Variants in EML2 observed in about 807,000 individuals in gnomAD.
EML2 encodes the protein echinoderm microtubule-associated protein-like 2.
EML2 carries 59 observed loss-of-function variants against 84.7 expected under a neutral mutation model. That is an observed-to-expected ratio of 0.70 (90% CI 0.56 to 0.86). The LOEUF (loss-of-function observed/expected upper bound fraction) is 0.86, where lower values mean the gene tolerates loss of function less well. EML2 is among the 40% of genes least tolerant of loss of function. The pLI, the probability that EML2 is intolerant of heterozygous loss-of-function variation, is 0.00. For missense variants in EML2, 818 were observed against 855.6 expected, an observed-to-expected ratio of 0.96 and a Z score of 0.55; for synonymous variants, 352 against 348.9, an observed-to-expected ratio of 1.01 and a Z score of -0.10.
intron 18 of EML2, among the ~76,000 whole-genome samples, chr19:45,612,787 C>T (rs1970629266): frequency 6.6e-6 from 1 of 152,184 alleles, no homozygotes; most frequent in Non-Finnish European, 1.5e-5. Context: ...GGAGGAGTCA[C>T]TGTACTAGTC....
intron 18 of EML2, among the ~76,000 whole-genome samples, chr19:45,612,184 C>T (rs1327320345): frequency 6.6e-6 from 1 of 152,154 alleles, no homozygotes; most frequent in African/African-American, 2.4e-5. Context: ...CCTGCCTCAG[C>T]CTCCTGTGTA....
In EML2 at chr19:45,609,553, AT is replaced by A; in HGVS notation, c.*109del. 1 of 734,944 alleles carries A rather than the reference AT, an allele frequency of 1.4e-6. No individual in the cohort carries two copies. The highest frequency in any genetic ancestry group is 1.8e-6 in the Non-Finnish European group (1 of 545,548). 45.5% of individuals were successfully genotyped at this position (734,944 alleles called of 1,614,324 possible). ...TATGTCAGTCTACCCTCCCGCCCCCATAACCCCCTCTGCTATAGACATACTC... is the reference window on the plus strand; with the variant it reads ...TATGTCAGTCTACCCTCCCGCCCCCAAACCCCCTCTGCTATAGACATACTC... On this transcript the variant is annotated 3_prime_UTR_variant, in exon 19 of 19. Coordinates refer to ENST00000245925, the MANE Select transcript of EML2 (RefSeq NM_012155.4).
chr19:45,620,661 T>C (rs1464160886), intron 11 of EML2, among the ~76,000 whole-genome samples: 2 of 149,974 alleles, frequency 1.3e-5, no homozygotes, highest in African/African-American at 2.5e-5. Flanking sequence ...TGAGCCGAGA[T>C]TGAGCCACTG....
chr19:45,610,027 C>T (rs1240103983), intron 18 of EML2, among the ~76,000 whole-genome samples: 4 of 152,248 alleles, frequency 2.6e-5, no homozygotes, highest in African/African-American at 9.6e-5. Flanking sequence ...TATGCGCCCC[C>T]ACACCTGGCT....
intron 3 of EML2, among the ~76,000 whole-genome samples, chr19:45,635,020 T>C (rs1973557020): frequency 1.3e-5 from 2 of 151,430 alleles, no homozygotes; most frequent in African/African-American, 4.9e-5. Context: ...CCAGCTAATT[T>C]TTGTATTTTT....
chr19:45,622,719 T>C (rs1449703175), intron 9 of EML2, among the ~76,000 whole-genome samples: 2 of 152,060 alleles, frequency 1.3e-5, no homozygotes, highest in African/African-American at 4.8e-5. Context: ...GTGTGAGCCA[T>C]GGCACCCAAT....
chr19:45,642,154 C>G, upstream of EML2: 3 of 1,513,354 alleles, frequency 2.0e-6, no homozygotes, highest in East Asian at 4.9e-5. Flanking sequence ...GGTGCCTAAG[C>G]GCGGAGGCGC....
At chr19:45,637,470 ATTTTTTT>A (rs66503218) in intron 3 of EML2, among the ~76,000 whole-genome samples, 10 of 101,660 alleles carry the variant, frequency 9.8e-5, no homozygotes, top group East Asian at 2.9e-4. Context: ...ATTATTTTGG[ATTTTTTT>A]TTTTTTTTTT....
In EML2 at chr19:45,609,440, A is replaced by C; in HGVS notation, c.*223T>G. On this transcript the variant is annotated 3_prime_UTR_variant, in exon 19 of 19. Coordinates refer to ENST00000245925, the MANE Select transcript of EML2 (RefSeq NM_012155.4). ...TTATTTCTGGATGATATAAAAGAAA[A>C]AACTTAAAAAACACCCCAAACCAAA... is the stretch of plus-strand genomic sequence containing the variant. 2.2e-6 allele frequency: 1 copy of C among 445,604 alleles called. No individual in the cohort carries two copies. The highest frequency in any genetic ancestry group is 2.0e-5 in the African/African-American group (1 of 49,286). The allele number at this position is 445,604 out of a possible 1,614,324, so 27.6% of individuals were successfully genotyped here.
rs1241409318 is a variant in EML2, at chr19:45,624,926, C to G, written c.742-108G>C. ...GGCCAGGCAATCCCCTCTATCTATG[C>G]GTTTAGGGTAAGGCTCTGCGTGGAG... is the stretch of plus-strand genomic sequence containing the variant. On this transcript the variant is annotated intron_variant, in intron 8 of 18. Coordinates refer to ENST00000245925, the MANE Select transcript of EML2 (RefSeq NM_012155.4). 6.6e-6 allele frequency: 5 copies of G among 758,406 alleles called. No individual in the cohort carries two copies. In the African/African-American group the frequency reaches 8.7e-5, roughly 13 times the overall value. 47.0% of individuals were successfully genotyped at this position (758,406 alleles called of 1,614,324 possible). A position where few individuals can be genotyped will look rare whatever the true frequency, so the allele number is the denominator to read the frequency against.
At position 45,621,295 on chromosome 19, in the gene EML2, T is replaced by A; in HGVS notation, c.1034A>T (p.Glu345Val). The A allele has an allele frequency of 6.2e-7, 1 of 1,612,420 alleles. No individual in the cohort carries two copies. The highest frequency in any genetic ancestry group is 8.5e-7 in the Non-Finnish European group (1 of 1,178,956). The change falls in exon 11 of 19, where the codon GAG becomes GTG. Residue 345 changes from glutamate to valine, a missense_variant. Glu to Val is a moderately radical substitution (Grantham distance 121, BLOSUM62 -2). Coordinates refer to ENST00000245925, the MANE Select transcript of EML2 (RefSeq NM_012155.4). ...CACGTACAGTGTGTCTCCGTGGCCCTCTGCCACGGTGCGCACAGGGCCAAA... is the reference window on the plus strand; with the variant it reads ...CACGTACAGTGTGTCTCCGTGGCCCACTGCCACGGTGCGCACAGGGCCAAA... Reference protein sequence around the residue: ...EDFGPVRTVAEGHGDTLYVGT... With the variant: ...EDFGPVRTVAVGHGDTLYVGT...
chr19:45,634,214 G>T (rs1444375785), intron 4 of EML2, 108 bp downstream of exon 4: 1 of 1,475,756 alleles, frequency 6.8e-7, no homozygotes, highest in East Asian at 2.3e-5. Flanking sequence ...GCTTAGCCTT[G>T]CCCCAAACCC....
In EML2 at chr19:45,632,709, G is replaced by A. The variant is rs368009793; in HGVS notation, c.510+152C>T. 260 of 656,922 alleles carry A rather than the reference G, an allele frequency of 4.0e-4. No homozygotes were observed. In the East Asian group the frequency reaches 6.9e-3, roughly 18 times the overall value. The allele number at this position is 656,922 out of a possible 1,614,324, so 40.7% of individuals were successfully genotyped here. A position where few individuals can be genotyped will look rare whatever the true frequency, so the allele number is the denominator to read the frequency against. On this transcript the variant is annotated intron_variant, in intron 6 of 18. Transcript: ENST00000245925. ...CACGGTGACTCACCCGCCCCTTGGG[G>A]TGAGGACACGCCCTCATTGTGACGT...
At chr19:45,631,482 G>C (rs1973023639) in intron 6 of EML2, among the ~76,000 whole-genome samples, 1 of 151,994 alleles carries the variant, frequency 6.6e-6, no homozygotes, top group Non-Finnish European at 1.5e-5. Context: ...GCAGTGGTGG[G>C]ATCTGAGCTC....
At chr19:45,625,101 C>T (rs1259044602) in intron 8 of EML2, among the ~76,000 whole-genome samples, 1 of 152,044 alleles carries the variant, frequency 6.6e-6, no homozygotes, top group African/African-American at 2.4e-5. Flanking sequence ...ACAGTCTCAC[C>T]TGTCATCTAG....
upstream of EML2, chr19:45,640,802 C>G (rs1435256778): frequency 6.6e-6 from 1 of 150,992 alleles, no homozygotes; most frequent in Non-Finnish European, 1.5e-5. Context: ...CGATGATTCC[C>G]GCCTCCGCCT....
upstream of EML2, chr19:45,644,910 C>T: frequency 2.3e-6 from 1 of 432,204 alleles, no homozygotes; most frequent in African/African-American, 2.0e-5. Context: ...TGTCTGTCCC[C>T]CTGCTATGGA....
chr19:45,621,630 G>C lies in EML2; in HGVS notation c.849C>G (p.Asn283Lys). The change falls in exon 10 of 19, where the codon AAC becomes AAG. Residue 283 changes from asparagine to lysine, a missense_variant. By Grantham distance (94) the Asn-to-Lys change is moderately conservative. Coordinates refer to ENST00000245925, the MANE Select transcript of EML2 (RefSeq NM_012155.4). ...GNLYVWGKGG[N>K]RITQAVLGAH... ...CGCCCAGCACCGCCTGTGTGATACG[G>C]TTCCCACCTGCAGGGTGGCCAGGGG... is the stretch of plus-strand genomic sequence containing the variant. 1 of 1,607,406 alleles carries C rather than the reference G, an allele frequency of 6.2e-7. No individual in the cohort carries two copies. The highest frequency in any genetic ancestry group is 8.5e-7 in the Non-Finnish European group (1 of 1,179,602).
intron 3 of EML2, among the ~76,000 whole-genome samples, chr19:45,636,995 G>A (rs1973802525): frequency 6.6e-6 from 1 of 152,262 alleles, no homozygotes; most frequent in Non-Finnish European, 1.5e-5. Flanking sequence ...AAACTGCTCT[G>A]ACCTGCAGTC....
Sources: allele counts gnomAD v4.1 joint callset (sites outside exome capture counted in the v4.1 genomes callset), GRCh38; gene constraint gnomAD v4.1.1; transcripts MANE v1.5; gene names NCBI Gene and HGNC (gene_info 2026-07-23, HGNC 2026-07-21).